BNC2: variants seen among roughly 807,000 people sequenced by gnomAD.
The protein encoded by BNC2 is zinc finger protein basonuclin-2.
BNC2 carries 20 observed loss-of-function variants against 76.3 expected under a neutral mutation model. The observed-to-expected ratio is 0.26, with a 90% confidence interval of 0.18 to 0.38. The LOEUF is 0.38. Among genes scored for constraint, BNC2 ranks in the 10% least tolerant of loss-of-function variants. The probability of loss-of-function intolerance (pLI) is 1.00; values close to 1 mark genes in which losing one functional copy is unlikely to be tolerated. For synonymous variants in BNC2, 582 were observed against 514.8 expected (o/e 1.13, Z -1.77); for missense variants, 1,382 against 1,399.8 (o/e 0.99, Z 0.20).
intron 2 of BNC2, among the ~76,000 whole-genome samples, chr9:16,737,388 C>G (rs983393411): frequency 3.3e-5 from 5 of 151,158 alleles, no homozygotes; most frequent in African/African-American, 1.2e-4. Context: ...GTAGCTGGGA[C>G]TACAGGCGCC....
chr9:16,779,130 A>AAAAAAAAAAAAAAAAAAG (rs556932807), intron 1 of BNC2, among the ~76,000 whole-genome samples: 42 of 87,610 alleles, frequency 4.8e-4, no homozygotes, highest in Non-Finnish European at 6.6e-4. Context: ...AAAAAAAAAA[A>AAAAAAAAAAAAAAAAAAG]AAAAGAAAAG....
chr9:16,853,388 G>C, intron 1 of BNC2, among the ~76,000 whole-genome samples: 1 of 147,140 alleles, frequency 6.8e-6, no homozygotes, highest in African/African-American at 2.5e-5. Flanking sequence ...CCTGAGTGAT[G>C]AGAGTGAGAC....
At chr9:16,663,896 A>G (rs1287122450) in intron 3 of BNC2, among the ~76,000 whole-genome samples, 1 of 152,222 alleles carries the variant, frequency 6.6e-6, no homozygotes, top group African/African-American at 2.4e-5. Context: ...TTAAACCTAT[A>G]GAAACTTGCC....
chr9:16,788,290 A>C (rs917970972), intron 1 of BNC2, among the ~76,000 whole-genome samples: 2 of 152,072 alleles, frequency 1.3e-5, no homozygotes, highest in Non-Finnish European at 2.9e-5. Flanking sequence ...GCGGTGGCTC[A>C]CGCCTGTAAT....
chr9:16,756,288 T>A (rs556967823), intron 1 of BNC2, among the ~76,000 whole-genome samples: 169 of 152,300 alleles, frequency 1.1e-3, no homozygotes, highest in Non-Finnish European at 1.9e-3. Flanking sequence ...TTTGTTGGCA[T>A]GATTATTTTA....
chr9:16,799,442 G>T (rs1817731200), intron 1 of BNC2, among the ~76,000 whole-genome samples: 1 of 151,986 alleles, frequency 6.6e-6, no homozygotes, highest in South Asian at 2.1e-4. Flanking sequence ...AGCCTCCCAA[G>T]TAGCTGGGAT....
intron 1 of BNC2, among the ~76,000 whole-genome samples, chr9:16,820,748 T>C (rs780349522): frequency 2.0e-5 from 3 of 152,126 alleles, no homozygotes; most frequent in African/African-American, 7.2e-5. Flanking sequence ...GTGGTCTTTT[T>C]TGAAGTTGAC....
chr9:16,627,598 C>T (rs904624280), intron 3 of BNC2, among the ~76,000 whole-genome samples: 3 of 152,142 alleles, frequency 2.0e-5, no homozygotes, highest in South Asian at 2.1e-4. Context: ...TCTCAATCCT[C>T]CAGCCATACA....
chr9:16,421,088 G>A (rs74384417), intron 6 of BNC2, among the ~76,000 whole-genome samples: 6,579 of 152,184 alleles, frequency 0.043, 386 homozygotes, highest in East Asian at 0.14. Context: ...ATTCCATTTG[G>A]TGACAAACGT....
chr9:16,505,760 A>G (rs1822610571), intron 5 of BNC2, among the ~76,000 whole-genome samples: 1 of 152,196 alleles, frequency 6.6e-6, no homozygotes, highest in South Asian at 2.1e-4. Context: ...TCACAGTGCT[A>G]AGAACTTCAA....
chr9:16,533,490 C>T (rs570064136), intron 5 of BNC2, among the ~76,000 whole-genome samples: 1 of 151,958 alleles, frequency 6.6e-6, no homozygotes, highest in Admixed American at 6.6e-5. Flanking sequence ...AATAAGACAG[C>T]TTATAGATAT....
At chr9:16,519,713 T>C (rs7044870) in intron 5 of BNC2, among the ~76,000 whole-genome samples, 2 of 152,202 alleles carry the variant, frequency 1.3e-5, no homozygotes, top group Non-Finnish European at 2.9e-5. Flanking sequence ...CAGTTTTTTC[T>C]ACAACCCTGT....
chr9:16,842,079 G>C (rs997321667), intron 1 of BNC2, among the ~76,000 whole-genome samples: 1 of 152,110 alleles, frequency 6.6e-6, no homozygotes, highest in Non-Finnish European at 1.5e-5. Context: ...CAAAGTGCTG[G>C]TATTACAGGC....
intron 3 of BNC2, among the ~76,000 whole-genome samples, chr9:16,691,760 C>A (rs953601350): frequency 4.0e-5 from 6 of 150,774 alleles, no homozygotes; most frequent in African/African-American, 1.5e-4. Flanking sequence ...ATGCCCGCCT[C>A]GGCCTCCCAC....
At chr9:16,628,203 A>G (rs146748535) in intron 3 of BNC2, among the ~76,000 whole-genome samples, 1 of 152,334 alleles carries the variant, frequency 6.6e-6, no homozygotes, top group Non-Finnish European at 1.5e-5. Context: ...AGCTTAGAAC[A>G]AGCCGGCTCA....
Position 16,456,566 on chromosome 9 carries a change from G to C in BNC2, c.670-19042C>G, listed in dbSNP as rs1380007171. On this transcript the variant is annotated intron_variant, in intron 5 of 6. Transcript: ENST00000380672. ...AAAAAAAAAATCAGAGTCCTACCAG[G>C]CCAAGAGCAGCAGGTAAAGTCACTG... Among the ~76,000 whole-genome samples, 3 of 150,336 alleles carry C rather than the reference G, an allele frequency of 2.0e-5. No individual in the cohort carries two copies. The East Asian group carries it at 5.9e-4, about 29-fold the overall frequency.
chr9:16,783,213 C>G (rs1826200848), intron 1 of BNC2, among the ~76,000 whole-genome samples: 1 of 152,084 alleles, frequency 6.6e-6, no homozygotes, highest in African/African-American at 2.4e-5. Context: ...ACTTGGTTCC[C>G]AAAGATCAGA....
chr9:16,652,812 G>A (rs922963509), intron 3 of BNC2, among the ~76,000 whole-genome samples: 1 of 152,078 alleles, frequency 6.6e-6, no homozygotes, highest in African/African-American at 2.4e-5. Context: ...CCCTGTTATT[G>A]TTAGTCAAAA....
At position 16,520,397 on chromosome 9, in the gene BNC2, T is replaced by A. The variant is rs1380435436; in HGVS notation, c.669+32133A>T. On this transcript the variant is annotated intron_variant, in intron 5 of 6. Coordinates refer to ENST00000380672, the MANE Select transcript of BNC2 (RefSeq NM_017637.6). The stretch of plus-strand genomic sequence containing the variant: ...AAAGATTCAAAAAGAAAAGCAGGAA[T>A]GGTTAAGTACAAAATCGAGAAGGAA... 5.3e-5 allele frequency among the ~76,000 whole-genome samples: 8 copies of A among 152,244 alleles called. No individual in the cohort carries two copies. In the East Asian group the frequency reaches 1.5e-3, roughly 29 times the overall value.
Sources: allele counts gnomAD v4.1 joint callset (sites outside exome capture counted in the v4.1 genomes callset), GRCh38; gene constraint gnomAD v4.1.1; transcripts MANE v1.5; gene names NCBI Gene and HGNC (gene_info 2026-07-23, HGNC 2026-07-21).